Variants in PKHD1L1 observed in about 807,000 individuals in gnomAD.
PKHD1L1 encodes fibrocystin-L.
A neutral mutation model predicts 462.9 loss-of-function variants in PKHD1L1; 434 were observed. The observed-to-expected ratio is 0.94, with a 90% confidence interval of 0.87 to 1.02. The LOEUF (loss-of-function observed/expected upper bound fraction) is 1.02. PKHD1L1 is among the 50% of genes least tolerant of loss of function. The pLI is 0.00. For synonymous variants in PKHD1L1, 1,781 were observed against 1,750.0 expected (o/e 1.02, Z -0.44); for missense variants, 5,202 against 5,096.1 (o/e 1.02, Z -0.63).
chr8:109,427,234 A>G, intron 25 of PKHD1L1, 78 bp downstream of exon 25: 1 of 1,050,400 alleles, frequency 9.5e-7, no homozygotes, highest in South Asian at 1.4e-5. Flanking sequence ...TCCAAAAAGA[A>G]CTGGAGGCTA....
chr8:109,426,162 C>CA (rs1337168999), intron 24 of PKHD1L1, among the ~76,000 whole-genome samples: 2 of 152,180 alleles, frequency 1.3e-5, no homozygotes, highest in African/African-American at 4.8e-5. Context: ...GTGACATTCT[C>CA]AAATGTTTGT....
At chr8:109,445,795 G>A (rs1000618083) in intron 38 of PKHD1L1, 150 bp downstream of exon 38, 4 of 886,100 alleles carry the variant, frequency 4.5e-6, no homozygotes, top group Non-Finnish European at 6.7e-6. Flanking sequence ...GCTCTGTGTA[G>A]TCTCTATTGT....
chr8:109,373,369 A>T (rs1043377325), intron 2 of PKHD1L1, among the ~76,000 whole-genome samples: 1 of 151,902 alleles, frequency 6.6e-6, no homozygotes. Flanking sequence ...GTAATTTTTT[A>T]TTGTGTCTAT....
rs1812791363 is a variant in PKHD1L1 at position 109,393,145 on chromosome 8, A to T, written c.741-1270A>T. Among the ~76,000 whole-genome samples, 6 of 152,314 alleles carry T rather than the reference A, an allele frequency of 3.9e-5. No individual in the cohort carries two copies. In the South Asian group the frequency reaches 1.2e-3, roughly 32 times the overall value. On this transcript the variant is annotated intron_variant, in intron 9 of 77. Coordinates refer to ENST00000378402, the MANE Select transcript of PKHD1L1 (RefSeq NM_177531.6). ...GGAAATCAGCCAAAAGGCTTCTGACATAAAAATATGAAATCTAGTATGAAT... is the reference window on the plus strand; with the variant it reads ...GGAAATCAGCCAAAAGGCTTCTGACTTAAAAATATGAAATCTAGTATGAAT...
intron 50 of PKHD1L1, chr8:109,470,389 A>G (rs1265230134): frequency 1.6e-5 from 26 of 1,577,394 alleles, no homozygotes; most frequent in Admixed American, 3.4e-5. Flanking sequence ...AGATCTTTCC[A>G]ATTGGAGAGA....
At chr8:109,440,976 G>T (rs572397265) in intron 33 of PKHD1L1, 124 bp downstream of exon 33, 11 of 1,215,270 alleles carry the variant, frequency 9.1e-6, no homozygotes, top group Non-Finnish European at 1.0e-5. Context: ...GCATAAAAAA[G>T]GTAAGTGTAT....
intron 40 of PKHD1L1, 148 bp from the exon 41 acceptor site, chr8:109,450,827 G>A: frequency 2.7e-6 from 2 of 734,630 alleles, no homozygotes; most frequent in Non-Finnish European, 4.2e-6. Context: ...TTGCTAGAGG[G>A]CCACTATTAT....
intron 18 of PKHD1L1, among the ~76,000 whole-genome samples, chr8:109,409,552 T>A (rs1454496125): frequency 6.6e-6 from 1 of 152,200 alleles, no homozygotes; most frequent in African/African-American, 2.4e-5. Flanking sequence ...GGGTACTAAT[T>A]AATTTAGGTT....
chr8:109,452,356 T>A, intron 42 of PKHD1L1, 76 bp downstream of exon 42: 1 of 1,292,944 alleles, frequency 7.7e-7, no homozygotes, highest in Non-Finnish European at 1.0e-6. Flanking sequence ...TTGGTAATTG[T>A]TGTTTTACTT....
At chr8:109,473,193 T>C (rs903201561) in intron 50 of PKHD1L1, among the ~76,000 whole-genome samples, 1 of 152,008 alleles carries the variant, frequency 6.6e-6, no homozygotes, top group African/African-American at 2.4e-5. Flanking sequence ...AAATGTCAGG[T>C]TAAATGCAAT....
chr8:109,507,469 G>A (rs1426076778), intron 68 of PKHD1L1, among the ~76,000 whole-genome samples, 194 bp from the exon 69 acceptor site: 1 of 152,096 alleles, frequency 6.6e-6, no homozygotes, highest in African/African-American at 2.4e-5. Context: ...CATAATCATA[G>A]ACCAAATCAA....
At chr8:109,437,755 A>C (rs1815516189) in intron 30 of PKHD1L1, among the ~76,000 whole-genome samples, 1 of 152,094 alleles carries the variant, frequency 6.6e-6, no homozygotes, top group Non-Finnish European at 1.5e-5. Context: ...CTTTGTTTAC[A>C]ATATGTCATT....
In PKHD1L1 at chr8:109,472,486, C is replaced by T. The variant is rs1039305338; in HGVS notation, c.8606-2632C>T. ...CTTTCTTGTCACGTTTCTCTGCACCCTTTCATCTATTCCCTTCAAGAATTA... is the reference window on the plus strand; with the variant it reads ...CTTTCTTGTCACGTTTCTCTGCACCTTTTCATCTATTCCCTTCAAGAATTA... On this transcript the variant is annotated intron_variant, in intron 50 of 77. Coordinates refer to ENST00000378402, the MANE Select transcript of PKHD1L1 (RefSeq NM_177531.6). 2.6e-5 allele frequency among the ~76,000 whole-genome samples: 4 copies of T among 152,128 alleles called. No individual in the cohort carries two copies. In the South Asian group the frequency reaches 8.3e-4, roughly 31 times the overall value.
chr8:109,482,800 A>G (rs1338169542), intron 56 of PKHD1L1, among the ~76,000 whole-genome samples, 187 bp from the exon 57 acceptor site: 1 of 151,576 alleles, frequency 6.6e-6, no homozygotes, highest in African/African-American at 2.4e-5. Context: ...TATGAGCCAG[A>G]TTTCCGGAAG....
Position 109,481,592 on chromosome 8 carries a change from C to G in PKHD1L1, c.9457+30C>G, listed in dbSNP as rs149878046. ...GTGTCTACAGATACCAAAAGTGTCACATCTGTTTTAAGAATCTACTTTAAA... is the reference window on the plus strand; with the variant it reads ...GTGTCTACAGATACCAAAAGTGTCAGATCTGTTTTAAGAATCTACTTTAAA... On this transcript the variant is annotated intron_variant, in intron 56 of 77. Coordinates refer to ENST00000378402, the MANE Select transcript of PKHD1L1 (RefSeq NM_177531.6). 1.8e-4 allele frequency: 269 copies of G among 1,519,608 alleles called. No homozygotes were observed. The African/African-American group carries it at 3.5e-3, about 20-fold the overall frequency. The allele number at this position is 1,519,608 out of a possible 1,614,324, so 94.1% of individuals were successfully genotyped here.
intron 23 of PKHD1L1, among the ~76,000 whole-genome samples, chr8:109,422,837 G>A (rs1814543574): frequency 6.6e-6 from 1 of 152,074 alleles, no homozygotes; most frequent in East Asian, 1.9e-4. Context: ...ATTCCCACCA[G>A]CAGTGTACGA....
Position 109,535,733 on chromosome 8 carries a change from A to G in PKHD1L1, c.*5643A>G, listed in dbSNP as rs1374965273. 6.6e-6 allele frequency among the ~76,000 whole-genome samples: 1 copy of G among 152,268 alleles called. No individual in the cohort carries two copies. The highest frequency in any genetic ancestry group is 2.4e-5 in the African/African-American group (1 of 41,464). ...TATATTAATCAGACAGCAAAGTAAC[A>G]AACTGACTTAGAGGAAGGAAAATAG... On this transcript the variant is annotated 3_prime_UTR_variant, in exon 78 of 78. Coordinates refer to ENST00000378402, the MANE Select transcript of PKHD1L1 (RefSeq NM_177531.6).
chr8:109,450,894 T>G, intron 40 of PKHD1L1, 81 bp from the exon 41 acceptor site: 1 of 1,318,830 alleles, frequency 7.6e-7, no homozygotes, highest in Non-Finnish European at 1.0e-6. Flanking sequence ...AAGGAAGATG[T>G]TATTGAAAAT....
chr8:109,413,035 A>G (rs78060210), intron 20 of PKHD1L1, among the ~76,000 whole-genome samples: 2,608 of 152,238 alleles, frequency 0.017, 40 homozygotes, highest in South Asian at 0.029. Context: ...AATGATATTT[A>G]CGTCCCATTT....
Sources: gnomAD v4.1 joint callset for allele counts (sites outside exome capture counted in the v4.1 genomes callset) on GRCh38, gnomAD v4.1.1 for gene constraint, MANE v1.5 for transcripts, NCBI Gene and HGNC (gene_info 2026-07-23, HGNC 2026-07-21) for gene names.